The following CFAP61 variants were observed in gnomAD, a reference collection of about 807,000 sequenced individuals.
CFAP61 encodes the protein cilia and flagella associated protein 61.
A neutral mutation model predicts 135.6 loss-of-function variants in CFAP61; 107 were observed. That is an observed-to-expected ratio of 0.79 (90% CI 0.67 to 0.93). The LOEUF (loss-of-function observed/expected upper bound fraction) is 0.93. Among genes scored for constraint, CFAP61 ranks in the 40% least tolerant of loss-of-function variants. The probability of loss-of-function intolerance (pLI) is 0.00; values close to 1 mark genes in which losing one functional copy is unlikely to be tolerated. For synonymous variants in CFAP61, 575 were observed against 578.5 expected (o/e 0.99, Z 0.09); for missense variants, 1,507 against 1,556.2 (o/e 0.97, Z 0.53).
intron 8 of CFAP61, among the ~76,000 whole-genome samples, chr20:20,100,991 T>C (rs1381999724): frequency 1.3e-5 from 2 of 152,234 alleles, no homozygotes; most frequent in Non-Finnish European, 2.9e-5. Context: ...AGCTTTATGT[T>C]CATTGACACA....
intron 8 of CFAP61, among the ~76,000 whole-genome samples, chr20:20,111,888 G>GTAGTTT (rs1170744050): frequency 6.6e-6 from 1 of 152,060 alleles, no homozygotes; most frequent in Non-Finnish European, 1.5e-5. Context: ...TCTAAGGTTA[G>GTAGTTT]TAGTTTTTTA....
At chr20:20,128,525 C>T (rs984440729) in intron 8 of CFAP61, among the ~76,000 whole-genome samples, 1 of 151,712 alleles carries the variant, frequency 6.6e-6, no homozygotes, top group Non-Finnish European at 1.5e-5. Context: ...GGGGCACTCA[C>T]AGTATTTGGG....
intron 6 of CFAP61, among the ~76,000 whole-genome samples, chr20:20,088,117 T>G (rs932802415): frequency 1.4e-4 from 21 of 152,322 alleles, no homozygotes; most frequent in African/African-American, 4.8e-4. Flanking sequence ...TGGCTTCCTG[T>G]TTTAGCCTCA....
intron 17 of CFAP61, among the ~76,000 whole-genome samples, chr20:20,227,138 T>C (rs1200182364): frequency 6.6e-6 from 1 of 152,224 alleles, no homozygotes; most frequent in Non-Finnish European, 1.5e-5. Flanking sequence ...CCTACAGTAC[T>C]GGAAAGTGGG....
chr20:20,246,177 A>G lies in CFAP61; in HGVS notation c.2121A>G (p.Lys707=). ...CAACTCATGGACTCCCAGGAAAAAA[A>G]CTTCTGGACACTGAACAAAGGAAAT... ...LISTHGLPGK[K]LLDTEQRKFL... The change falls in exon 19 of 27, where the codon AAA becomes AAG. Residue 707 remains lysine, a synonymous_variant. Coordinates refer to ENST00000245957, the MANE Select transcript of CFAP61 (RefSeq NM_015585.4). 1.2e-6 allele frequency: 2 copies of G among 1,613,814 alleles called. No homozygotes were observed. The highest frequency in any genetic ancestry group is 1.3e-5 in the African/African-American group (1 of 75,074).
chr20:20,075,105 A>G (rs1004512450), intron 4 of CFAP61, 84 bp from the exon 5 acceptor site: 10 of 1,283,200 alleles, frequency 7.8e-6, no homozygotes, highest in Non-Finnish European at 9.1e-6. Context: ...TCACCTTTTT[A>G]GTGACAGCAT....
chr20:20,261,369 T>A (rs2052187543), intron 20 of CFAP61, among the ~76,000 whole-genome samples: 1 of 152,166 alleles, frequency 6.6e-6, no homozygotes, highest in South Asian at 2.1e-4. Flanking sequence ...TGCCCCAACA[T>A]CCCTCTTGAC....
chr20:20,262,320 T>C (rs986978519), intron 20 of CFAP61, among the ~76,000 whole-genome samples: 2 of 152,172 alleles, frequency 1.3e-5, no homozygotes, highest in Non-Finnish European at 2.9e-5. Flanking sequence ...CTCTCTCTAT[T>C]GGCTCTCTCT....
At position 20,155,183 on chromosome 20, in the gene CFAP61, C is replaced by T. The variant is rs540849343; in HGVS notation, c.952-4187C>T. 2.6e-3 allele frequency among the ~76,000 whole-genome samples: 395 copies of T among 152,130 alleles called. 1 individual carries two copies. The highest frequency in any genetic ancestry group is 4.5e-3 in the Non-Finnish European group (309 of 67,938). ...AAAACATAAAGTAGGAAAAGGACAC[C>T]GTATTCAACAAATAGTGCTGGGAAA... On this transcript the variant is annotated intron_variant, in intron 9 of 26. Transcript: ENST00000245957.
At position 20,166,379 on chromosome 20, in the gene CFAP61, T is replaced by C; in HGVS notation, c.1206-18T>C. ...TTTGCTTGCAGGGCACTGACAGTGC[T>C]TACTGTCTTGTTTACAGGTCGCTGG... On this transcript the variant is annotated intron_variant, in intron 11 of 26. Transcript: ENST00000245957. The C allele has an allele frequency of 6.2e-7, 1 of 1,610,742 alleles. No individual in the cohort carries two copies. The highest frequency in any genetic ancestry group is 8.5e-7 in the Non-Finnish European group (1 of 1,177,078).
chr20:20,360,043 ATGT>A (rs1200973336), intron 26 of CFAP61, among the ~76,000 whole-genome samples, 164 bp from the exon 27 acceptor site: 1 of 152,222 alleles, frequency 6.6e-6, no homozygotes, highest in East Asian at 1.9e-4. Context: ...AAAATAAGAC[ATGT>A]TGTGTATACT....
chr20:20,085,067 C>T (rs887509787), intron 6 of CFAP61: 15 of 978,166 alleles, frequency 1.5e-5, no homozygotes, highest in African/African-American at 5.3e-5. Flanking sequence ...CTTTGCTTTT[C>T]GCTCAGAGAA....
At chr20:20,326,458 C>A (rs2057751748) in intron 25 of CFAP61, among the ~76,000 whole-genome samples, 1 of 152,146 alleles carries the variant, frequency 6.6e-6, no homozygotes, top group Non-Finnish European at 1.5e-5. Context: ...TCTTCTATCA[C>A]TTTCGTAGCT....
intron 11 of CFAP61, among the ~76,000 whole-genome samples, chr20:20,164,637 A>G (rs562090621): frequency 1.3e-5 from 2 of 152,246 alleles, no homozygotes; most frequent in East Asian, 3.9e-4. Flanking sequence ...TCACATAACT[A>G]AGGATAACTC....
At chr20:20,317,040 C>A (rs527618348) in intron 25 of CFAP61, 3 of 151,218 alleles carry the variant, frequency 2.0e-5, no homozygotes, top group Non-Finnish European at 4.4e-5. Context: ...GCATGCCCGG[C>A]TAATTTTTGT....
At chr20:20,161,701 A>T (rs2053417227) in intron 10 of CFAP61, among the ~76,000 whole-genome samples, 1 of 152,174 alleles carries the variant, frequency 6.6e-6, no homozygotes, top group Non-Finnish European at 1.5e-5. Context: ...TGTCAGCCAC[A>T]CCCCAAGTGA....
chr20:20,080,786 G>A (rs1456827554), intron 6 of CFAP61, among the ~76,000 whole-genome samples: 7 of 151,950 alleles, frequency 4.6e-5, no homozygotes, highest in African/African-American at 9.7e-5. Flanking sequence ...GGCAGATCAC[G>A]AGGTCAAGAG....
At chr20:20,254,555 G>A (rs1315492978) in intron 20 of CFAP61, among the ~76,000 whole-genome samples, 1 of 152,064 alleles carries the variant, frequency 6.6e-6, no homozygotes, top group African/African-American at 2.4e-5. Flanking sequence ...AGTGATAAAG[G>A]GAGTTCCAAT....
chr20:20,227,931 T>C (rs1160230437), intron 17 of CFAP61, among the ~76,000 whole-genome samples: 2 of 152,222 alleles, frequency 1.3e-5, no homozygotes, highest in African/African-American at 4.8e-5. Context: ...CCTGTCTCCT[T>C]GTAGTGTTAC....
Sources: allele counts gnomAD v4.1 joint callset (sites outside exome capture counted in the v4.1 genomes callset), GRCh38; gene constraint gnomAD v4.1.1; transcripts MANE v1.5; gene names NCBI Gene and HGNC (gene_info 2026-07-23, HGNC 2026-07-21).